Variants in PATL2 observed in about 807,000 individuals in gnomAD.
The protein encoded by PATL2 is protein PAT1 homolog 2.
Under a neutral mutation model 77.0 loss-of-function variants are expected in PATL2, and 73 were observed. The ratio of observed to expected loss-of-function variants is 0.95; its 90% CI spans 0.78 to 1.15. The LOEUF (loss-of-function observed/expected upper bound fraction) is 1.15, where lower values mean the gene tolerates loss of function less well. PATL2 is among the 50% of genes most tolerant of loss of function. The pLI, the probability that PATL2 is intolerant of heterozygous loss-of-function variation, is 0.00. For missense variants in PATL2, 618 were observed against 655.4 expected (o/e 0.94, Z 0.62); for synonymous variants, 265 against 257.1 (o/e 1.03, Z -0.29).
chr15:44,687,435 C>T (rs1257172732), intron 3 of PATL2, among the ~76,000 whole-genome samples: 1 of 152,164 alleles, frequency 6.6e-6, no homozygotes, highest in Non-Finnish European at 1.5e-5. Context: ...TTATGACAAA[C>T]ACACAGCCAA....
intron 3 of PATL2, among the ~76,000 whole-genome samples, chr15:44,680,740 T>A (rs1009048005): frequency 6.6e-6 from 1 of 152,200 alleles, no homozygotes; most frequent in Admixed American, 6.6e-5. Flanking sequence ...CTCCATTTCC[T>A]CACATCATTC....
At chr15:44,694,817 C>T (rs147647101) in intron 3 of PATL2, among the ~76,000 whole-genome samples, 51 of 152,270 alleles carry the variant, frequency 3.3e-4, no homozygotes, top group African/African-American at 1.2e-3. Context: ...ACCAATCAAA[C>T]TCCAAATGGT....
intron 17 of PATL2, 112 bp from the exon 18 acceptor site, chr15:44,666,083 A>G (rs1160944578): frequency 1.4e-5 from 14 of 993,356 alleles, no homozygotes; most frequent in Non-Finnish European, 2.1e-5. Flanking sequence ...AGAGATGACC[A>G]TGTTATTCAT....
chr15:44,666,358 A>C, intron 17 of PATL2, 34 bp downstream of exon 17: 2 of 1,551,016 alleles, frequency 1.3e-6, no homozygotes. Context: ...GGGCTTGAAC[A>C]AGGGGCTTTG....
intron 3 of PATL2, among the ~76,000 whole-genome samples, chr15:44,679,557 T>TC (rs1224413707): frequency 6.8e-6 from 1 of 147,472 alleles, no homozygotes; most frequent in Non-Finnish European, 1.5e-5. Flanking sequence ...TTTTTCTTTT[T>TC]TTTTTTTTTT....
chr15:44,677,518 C>A (rs1317916156), intron 3 of PATL2, among the ~76,000 whole-genome samples: 1 of 152,098 alleles, frequency 6.6e-6, no homozygotes, highest in Non-Finnish European at 1.5e-5. Flanking sequence ...AAATCAACAA[C>A]AACAAAAACA....
At chr15:44,696,938 C>T (rs771710768) in intron 3 of PATL2, among the ~76,000 whole-genome samples, 3 of 152,054 alleles carry the variant, frequency 2.0e-5, no homozygotes, top group African/African-American at 2.4e-5. Flanking sequence ...TTACATTTGC[C>T]GCAAAGCCTG....
chr15:44,689,639 C>T (rs1186803493), intron 3 of PATL2, among the ~76,000 whole-genome samples: 2 of 151,632 alleles, frequency 1.3e-5, no homozygotes, highest in African/African-American at 4.9e-5. Context: ...CATGCTCTCA[C>T]TCATAAGTGG....
At position 44,667,157 on chromosome 15, in the gene PATL2, A is replaced by G. The variant is rs1377417661; in HGVS notation, c.1412T>C (p.Leu471Pro). ...LYALLSHGEQ[L>P]VSLHSSLEEP... ...CTCTAGGGAAGAATGCAGCGATACC[A>G]GTTGCTCCCCATGGCTCAGCAGGGC... Residue 471 changes from leucine (L) to proline (P), a missense_variant, in exon 16 of 18, where the codon CTG (leucine) becomes CCG (proline). Leu to Pro is a moderately conservative substitution (Grantham distance 98). Transcript: ENST00000682850. 2 of 1,551,664 alleles carry G rather than the reference A, an allele frequency of 1.3e-6. No homozygotes were observed. Among genetic ancestry groups the G allele is most frequent in the East Asian group, 2.4e-5 (1 of 40,924 alleles).
At chr15:44,675,852 T>C in intron 4 of PATL2, 161 bp from the exon 5 acceptor site, 1 of 637,732 alleles carries the variant, frequency 1.6e-6, no homozygotes, top group Admixed American at 3.2e-5. Context: ...CGGCCTCCCT[T>C]CTCCCAAGGT....
intron 9 of PATL2, 83 bp from the exon 10 acceptor site, chr15:44,670,170 A>G: frequency 6.7e-7 from 1 of 1,501,088 alleles, no homozygotes; most frequent in Non-Finnish European, 8.9e-7. Flanking sequence ...TCTCAAGTGC[A>G]GCCTCTTAAG....
chr15:44,700,594 G>A (rs2141262745), intron 3 of PATL2, among the ~76,000 whole-genome samples: 1 of 152,232 alleles, frequency 6.6e-6, no homozygotes, highest in Admixed American at 6.5e-5. Context: ...GAGCCACCAT[G>A]CCTGGCCTGT....
chr15:44,701,961 G>A (rs1196094297), intron 3 of PATL2, among the ~76,000 whole-genome samples: 1 of 151,962 alleles, frequency 6.6e-6, no homozygotes, highest in Non-Finnish European at 1.5e-5. Flanking sequence ...TCACTATTGT[G>A]AGGACAGCAC....
intron 3 of PATL2, among the ~76,000 whole-genome samples, chr15:44,684,353 AG>A (rs1214980756): frequency 6.6e-6 from 1 of 152,066 alleles, no homozygotes; most frequent in African/African-American, 2.4e-5. Context: ...GCTTGAAAAA[AG>A]GTTGGAGGAA....
intron 3 of PATL2, among the ~76,000 whole-genome samples, chr15:44,692,327 T>C (rs1189088463): frequency 6.6e-6 from 1 of 152,090 alleles, no homozygotes; most frequent in East Asian, 1.9e-4. Flanking sequence ...AATTTTATAA[T>C]TAGAAAAAAT....
intron 4 of PATL2, 188 bp downstream of exon 4, chr15:44,676,287 C>A: frequency 1.6e-6 from 1 of 611,868 alleles, no homozygotes; most frequent in Admixed American, 2.7e-5. Flanking sequence ...GATAATTTTA[C>A]TAGGTTGGTG....
chr15:44,705,951 C>T (rs1004243460), intron 3 of PATL2, among the ~76,000 whole-genome samples: 3 of 151,948 alleles, frequency 2.0e-5, no homozygotes, highest in African/African-American at 7.3e-5. Flanking sequence ...CAAGCATATG[C>T]CACCACGCCC....
chr15:44,693,527 C>T (rs367830441), intron 3 of PATL2, among the ~76,000 whole-genome samples: 2 of 152,154 alleles, frequency 1.3e-5, no homozygotes, highest in Non-Finnish European at 2.9e-5. Context: ...TTACACTGGG[C>T]GTACCCAAAT....
intron 5 of PATL2, 164 bp downstream of exon 5, chr15:44,675,322 G>A (rs2085898859): frequency 5.4e-6 from 4 of 744,722 alleles, no homozygotes; most frequent in East Asian, 2.8e-5. Context: ...AGGAGAAAGA[G>A]GGAAGGAGAG....
Sources: gnomAD v4.1 joint callset for allele counts (sites outside exome capture counted in the v4.1 genomes callset) on GRCh38, gnomAD v4.1.1 for gene constraint, MANE v1.5 for transcripts, NCBI Gene and HGNC (gene_info 2026-07-23, HGNC 2026-07-21) for gene names.